Variants in ACOX3 observed in about 807,000 individuals in gnomAD.
ACOX3 encodes acyl-CoA oxidase 3, pristanoyl.
In ACOX3, 73 loss-of-function variants were observed where a neutral mutation model predicts 81.5. The ratio of observed to expected loss-of-function variants is 0.90; its 90% CI spans 0.74 to 1.09. The LOEUF is 1.09. ACOX3 is among the 50% of genes least tolerant of loss of function. The pLI, the probability that ACOX3 is intolerant of heterozygous loss-of-function variation, is 0.00. For synonymous variants in ACOX3, 387 were observed against 375.1 expected (o/e 1.03, Z -0.37); for missense variants, 947 against 928.0 (o/e 1.02, Z -0.27).
At chr4:8,396,821 G>C (rs1719748214) in intron 9 of ACOX3, 116 bp downstream of exon 9, 8 of 1,238,454 alleles carry the variant, frequency 6.5e-6, no homozygotes, top group Non-Finnish European at 9.0e-6. Context: ...TAATCATCCT[G>C]TTAATTGCCT....
intron 9 of ACOX3, among the ~76,000 whole-genome samples, chr4:8,395,898 C>T (rs6849528): frequency 0.14 from 22,010 of 152,318 alleles, 2,607 homozygotes; most frequent in African/African-American, 0.32. Flanking sequence ...TATTCATGCA[C>T]AGCTTGGCCT....
chr4:8,434,167 T>G (rs144588129), intron 1 of ACOX3, among the ~76,000 whole-genome samples: 1 of 152,206 alleles, frequency 6.6e-6, no homozygotes, highest in African/African-American at 2.4e-5. Flanking sequence ...AGCTGATCCA[T>G]GTAGCCCCCA....
chr4:8,367,431 C>T (rs1438748532), intron 17 of ACOX3, among the ~76,000 whole-genome samples: 4 of 151,966 alleles, frequency 2.6e-5, no homozygotes, highest in Admixed American at 6.6e-5. Flanking sequence ...TTCAGTGAGC[C>T]GAGATTGCAC....
At position 8,397,832 on chromosome 4, in the gene ACOX3, A is replaced by T. The variant is rs12504157; in HGVS notation, c.874-713T>A. Reference sequence around the variant, plus strand: ...TTGTGTGTCTGAGCGTATTAATCACACTCTCACATAGGAATCACAGTCTCG... The same window carrying T: ...TTGTGTGTCTGAGCGTATTAATCACTCTCTCACATAGGAATCACAGTCTCG... On this transcript the variant is annotated intron_variant, in intron 8 of 17. Transcript: ENST00000356406. 8.9e-3 allele frequency among the ~76,000 whole-genome samples: 1,356 copies of T among 152,110 alleles called. 8 individuals carry two copies. The highest frequency in any genetic ancestry group is 0.034 in the South Asian group (164 of 4,808).
At position 8,370,447 on chromosome 4, in the gene ACOX3, G is replaced by A. The variant is rs773907935; in HGVS notation, c.1983+461C>T. On this transcript the variant is annotated intron_variant, in intron 17 of 17. Transcript: ENST00000356406. This position sits in a 1 kb window ranked among gnomAD's most constrained non-coding sequence, Gnocchi z 6.3. ...AGGGAGGCGGTTGGGGGAAAGCGGG[G>A]CAGGGGAGAGTAACCCCGGTGACAA... is the stretch of plus-strand genomic sequence containing the variant. Among the ~76,000 whole-genome samples the A allele has an allele frequency of 2.4e-4, 36 of 152,072 alleles. No homozygotes were observed. The highest frequency in any genetic ancestry group is 4.6e-4 in the Non-Finnish European group (31 of 67,996).
chr4:8,391,093 C>T (rs1347283885), intron 11 of ACOX3, among the ~76,000 whole-genome samples: 2 of 137,376 alleles, frequency 1.5e-5, no homozygotes, highest in East Asian at 4.2e-4. Flanking sequence ...TTGATTCCAT[C>T]ATCTTTGTTG....
chr4:8,408,892 G>GGC (rs1560193598), intron 6 of ACOX3, among the ~76,000 whole-genome samples: 1 of 8,174 alleles, frequency 1.2e-4, no homozygotes, highest in Non-Finnish European at 4.9e-4. Flanking sequence ...AGCCCTCACT[G>GGC]GGGGGGGGGG....
At chr4:8,380,542 T>G (rs750022962) in intron 14 of ACOX3, among the ~76,000 whole-genome samples, 2 of 152,132 alleles carry the variant, frequency 1.3e-5, no homozygotes, top group Non-Finnish European at 2.9e-5. Flanking sequence ...CCTTCTCTCC[T>G]CATCCCAGGG....
chr4:8,414,154 G>T lies in ACOX3; in HGVS notation c.543+138C>A. ...CCACTTTTCAGTGTGATGAATCTCA[G>T]TGGGTATTTCTACACAAGTGTATGT... On this transcript the variant is annotated intron_variant, in intron 5 of 17. Coordinates refer to ENST00000356406, the MANE Select transcript of ACOX3 (RefSeq NM_003501.3). This position sits in a 1 kb window ranked among gnomAD's most constrained non-coding sequence, Gnocchi z 6.1. 1.4e-6 allele frequency: 1 copy of T among 724,962 alleles called. No homozygotes were observed. Among genetic ancestry groups the T allele is most frequent in the Non-Finnish European group, 2.4e-6 (1 of 422,560 alleles). The allele number at this position is 724,962 out of a possible 1,614,324, so 44.9% of individuals were successfully genotyped here. A position where few individuals can be genotyped will look rare whatever the true frequency, so the allele number is the denominator to read the frequency against.
At position 8,394,599 on chromosome 4, in the gene ACOX3, A is replaced by C; in HGVS notation, c.1179+21T>G. On this transcript the variant is annotated intron_variant, in intron 10 of 17. Transcript: ENST00000356406. The surrounding 1 kb of genome is among the most constrained non-coding windows in gnomAD (Gnocchi z 5.9). Reference sequence around the variant, plus strand: ...GTGTGAGATTTAAACGATGCTGCTGAGGAAGCAGACACCACCTCACCTGTC... The same window carrying C: ...GTGTGAGATTTAAACGATGCTGCTGCGGAAGCAGACACCACCTCACCTGTC... 2 of 1,611,204 alleles carry C rather than the reference A, an allele frequency of 1.2e-6. No individual in the cohort carries two copies. The highest frequency in any genetic ancestry group is 1.7e-6 in the Non-Finnish European group (2 of 1,178,436).
At chr4:8,391,922 T>G (rs1186816844) in intron 11 of ACOX3, among the ~76,000 whole-genome samples, 4 of 152,236 alleles carry the variant, frequency 2.6e-5, no homozygotes, top group Non-Finnish European at 5.9e-5. Flanking sequence ...TGGTGCTAGT[T>G]TACTACCAAG....
rs1020759978 is a variant in ACOX3 at position 8,382,140 on chromosome 4, G to A, written c.1538-533C>T. ...GGGACTGACATGGTGGGGGAGGGGG[G>A]AACCTAAGGCCTCACCCCCTGCGTG... On this transcript the variant is annotated intron_variant, in intron 13 of 17. Transcript: ENST00000356406. This position sits in a 1 kb window ranked among gnomAD's most constrained non-coding sequence, Gnocchi z 4.1. Among the ~76,000 whole-genome samples, 2 of 152,304 alleles carry A rather than the reference G, an allele frequency of 1.3e-5. No individual in the cohort carries two copies. Among genetic ancestry groups the A allele is most frequent in the Non-Finnish European group, 1.5e-5 (1 of 68,006 alleles).
chr4:8,387,845 T>G (rs1431456990), intron 13 of ACOX3, among the ~76,000 whole-genome samples: 1 of 152,198 alleles, frequency 6.6e-6, no homozygotes, highest in Non-Finnish European at 1.5e-5. Context: ...AGGAGTGCCC[T>G]GTAGGACACG....
chr4:8,433,021 T>C (rs1248328374), intron 1 of ACOX3, among the ~76,000 whole-genome samples: 1 of 152,242 alleles, frequency 6.6e-6, no homozygotes, highest in Non-Finnish European at 1.5e-5. Context: ...ACATTGCCAT[T>C]ATCACAGAAA....
chr4:8,432,404 T>C lies in ACOX3; in HGVS notation c.-15+8244A>G, dbSNP rs1407827845. 1.3e-5 allele frequency among the ~76,000 whole-genome samples: 2 copies of C among 152,096 alleles called. No individual in the cohort carries two copies. Among genetic ancestry groups the C allele is most frequent in the Non-Finnish European group, 2.9e-5 (2 of 68,006 alleles). On this transcript the variant is annotated intron_variant, in intron 1 of 17. Transcript: ENST00000356406. This position sits in a 1 kb window ranked among gnomAD's most constrained non-coding sequence, Gnocchi z 6.2. Reference sequence around the variant, plus strand: ...GCCCACCACCACGCCCGGCTAATTTTTTGTATTTTTAGTAGAGACAGGTTT... The same window carrying C: ...GCCCACCACCACGCCCGGCTAATTTCTTGTATTTTTAGTAGAGACAGGTTT...
intron 15 of ACOX3, 120 bp from the exon 16 acceptor site, chr4:8,373,748 C>G: frequency 2.4e-6 from 2 of 830,956 alleles, no homozygotes; most frequent in Non-Finnish European, 3.9e-6. Context: ...TGGGTGAACA[C>G]ATCAGTGTCA....
In ACOX3 at chr4:8,394,696, T is replaced by C. The variant is rs771811107; in HGVS notation, c.1103A>G (p.His368Arg). The change falls in exon 10 of 18, where the codon CAT becomes CGT. Residue 368 changes from histidine (H) to arginine (R), a missense_variant. Physicochemically the swap from His to Arg is conservative, Grantham distance 29. Transcript: ENST00000356406. This position sits in a 1 kb window ranked among gnomAD's most constrained non-coding sequence, Gnocchi z 5.9. ...PYLAAVYALD[H>R]FSKSLFLDLV... ...GTCCAGGAAGAGCGACTTGGAGAAA[T>C]GGTCTAAGGCGTAGACAGCTGCCAG... 6.2e-7 allele frequency: 1 copy of C among 1,613,738 alleles called. No homozygotes were observed. The highest frequency in any genetic ancestry group is 8.5e-7 in the Non-Finnish European group (1 of 1,179,938).
At chr4:8,361,387 C>T (rs1424288480), downstream of ACOX3, among the ~76,000 whole-genome samples, 13 of 122,144 alleles carry the variant, frequency 1.1e-4, no homozygotes, top group African/African-American at 4.2e-4. Flanking sequence ...GATCATGCCA[C>T]TGCACTCCAG....
In ACOX3 at chr4:8,368,546, A is replaced by T. The variant is rs1315001721; in HGVS notation, c.1984-1466T>A. Among the ~76,000 whole-genome samples the T allele has an allele frequency of 6.6e-6, 1 of 152,112 alleles. No individual in the cohort carries two copies. Among genetic ancestry groups the T allele is most frequent in the Non-Finnish European group, 1.5e-5 (1 of 68,034 alleles). On this transcript the variant is annotated intron_variant, in intron 17 of 17. Coordinates refer to ENST00000356406, the MANE Select transcript of ACOX3 (RefSeq NM_003501.3). This position sits in a 1 kb window ranked among gnomAD's most constrained non-coding sequence, Gnocchi z 5.9. Reference sequence around the variant, plus strand: ...CACTCTGCTACTCTGGGCTCCACAGACACAGACCCAGGCTGCTGCTCCACA... The same window carrying T: ...CACTCTGCTACTCTGGGCTCCACAGTCACAGACCCAGGCTGCTGCTCCACA...
Sources: gnomAD v4.1 joint callset for allele counts (sites outside exome capture counted in the v4.1 genomes callset) on GRCh38, gnomAD v4.1.1 for gene constraint, Gnocchi (gnomAD v3.1) non-coding constraint, MANE v1.5 for transcripts, NCBI Gene and HGNC (gene_info 2026-07-23, HGNC 2026-07-21) for gene names.